PCDHA8: variants seen among roughly 807,000 people sequenced by gnomAD.
PCDHA8 encodes protocadherin alpha-8.
A neutral mutation model predicts 61.8 loss-of-function variants in PCDHA8; 53 were observed. The observed-to-expected ratio is 0.86, with a 90% CI of 0.69 to 1.08. The LOEUF is 1.08. Among genes scored for constraint, PCDHA8 ranks in the 50% least tolerant of loss-of-function variants. The pLI, the probability that PCDHA8 is intolerant of heterozygous loss-of-function variation, is 0.00. For missense variants in PCDHA8, 1,293 were observed against 1,245.0 expected, an observed-to-expected ratio of 1.04 and a Z score of -0.58; for synonymous variants, 618 against 556.6, an observed-to-expected ratio of 1.11 and a Z score of -1.55.
chr5:140,999,409 T>C (rs1554256782), intron 3 of PCDHA8, among the ~76,000 whole-genome samples: 1 of 152,186 alleles, frequency 6.6e-6, no homozygotes, highest in African/African-American at 2.4e-5. Flanking sequence ...TATGAAAGAA[T>C]GGGAGCTAAG....
At position 140,877,077 on chromosome 5, in the gene PCDHA8, G is replaced by A. The variant is rs373726752; in HGVS notation, c.2394+33362G>A. The A allele has an allele frequency of 1.1e-4, 183 of 1,613,104 alleles. 1 individual carries two copies. The highest frequency in any genetic ancestry group is 1.5e-4 in the Non-Finnish European group (175 of 1,179,844). On this transcript the variant is annotated intron_variant, in intron 1 of 3. Coordinates refer to ENST00000531613, the MANE Select transcript of PCDHA8 (RefSeq NM_018911.3). ...AGCTGGAGCTGCTGCAGTTCCAGGT[G>A]AGCGCGCGCGACGCCGGCGTGCCGC...
chr5:140,862,161 C>G (rs1463036699), intron 1 of PCDHA8: 1 of 163,458 alleles, frequency 6.1e-6, no homozygotes, highest in African/African-American at 2.4e-5. Context: ...ATGAAAGATT[C>G]AAATACAGGC....
intron 1 of PCDHA8, chr5:140,860,787 G>A (rs1038488180): frequency 5.9e-5 from 9 of 152,154 alleles, no homozygotes; most frequent in African/African-American, 2.2e-4. Flanking sequence ...GCCCAGGCTG[G>A]AGTGCAGTGG....
At position 140,858,644 on chromosome 5, in the gene PCDHA8, C is replaced by T. The variant is rs1581517400; in HGVS notation, c.2394+14929C>T. ...CCAGTGTGTCAGCCTTTGATTGGTACTTAAATTTTTTTAAATAACAATTTA... is the reference window on the plus strand; with the variant it reads ...CCAGTGTGTCAGCCTTTGATTGGTATTTAAATTTTTTTAAATAACAATTTA... On this transcript the variant is annotated intron_variant, in intron 1 of 3. Coordinates refer to ENST00000531613, the MANE Select transcript of PCDHA8 (RefSeq NM_018911.3). 16 of 921,026 alleles carry T rather than the reference C, an allele frequency of 1.7e-5. 1 individual carries two copies. Among genetic ancestry groups the T allele is most frequent in the African/African-American group, 1.2e-4 (7 of 59,878 alleles). 57.1% of individuals were successfully genotyped at this position (921,026 alleles called of 1,614,324 possible).
intron 3 of PCDHA8, among the ~76,000 whole-genome samples, chr5:140,990,571 G>A (rs996259729): frequency 6.6e-6 from 1 of 152,102 alleles, no homozygotes; most frequent in Non-Finnish European, 1.5e-5. Flanking sequence ...ACACCTGTTC[G>A]ATCTCTTTTC....
In PCDHA8 at chr5:140,884,578, G is replaced by A. The variant is rs1554181757; in HGVS notation, c.2394+40863G>A. 6 of 1,614,104 alleles carry A rather than the reference G, an allele frequency of 3.7e-6. No homozygotes were observed. In the South Asian group the frequency reaches 4.4e-5, roughly 12 times the overall value. On this transcript the variant is annotated intron_variant, in intron 1 of 3. Transcript: ENST00000531613. ...AGGGCCCGCATAAGACGGACCTCAT[G>A]GCCTTCAGTCCCAGCCTTCCTCCTT...
chr5:140,966,957 C>T lies in PCDHA8; in HGVS notation c.2395-11992C>T, dbSNP rs868948639. 4 of 1,602,884 alleles carry T rather than the reference C, an allele frequency of 2.5e-6. No individual in the cohort carries two copies. The African/African-American group carries it at 4.0e-5, about 16-fold the overall frequency. ...GCGCTCGTGGGCAACGTGGCTCGCG[C>T]GCTGGGGCTTGAGCTGCGGCGCTTG... On this transcript the variant is annotated intron_variant, in intron 1 of 3. Transcript: ENST00000531613.
intron 1 of PCDHA8, chr5:140,863,320 CT>C: frequency 6.9e-7 from 1 of 1,445,292 alleles, no homozygotes; most frequent in South Asian, 1.1e-5. Flanking sequence ...GGTGTCCAGC[CT>C]GTTAGTGCTC....
intron 1 of PCDHA8, among the ~76,000 whole-genome samples, chr5:140,872,172 T>G (rs912989922): frequency 6.6e-6 from 1 of 152,230 alleles, no homozygotes; most frequent in Non-Finnish European, 1.5e-5. Flanking sequence ...TTTCTTTTTT[T>G]TTTTTACAGT....
intron 1 of PCDHA8, among the ~76,000 whole-genome samples, chr5:140,902,664 A>G (rs2069638514): frequency 6.6e-6 from 1 of 152,128 alleles, no homozygotes. Context: ...CTGTCACCCA[A>G]GCAGTGTACA....
chr5:140,945,709 G>C (rs1033770128), intron 1 of PCDHA8, among the ~76,000 whole-genome samples: 4 of 151,930 alleles, frequency 2.6e-5, no homozygotes, highest in Admixed American at 1.3e-4. Flanking sequence ...TGCAACAAAA[G>C]TATCAAGAAT....
chr5:140,986,366 G>A (rs149115330), intron 3 of PCDHA8, among the ~76,000 whole-genome samples: 226 of 152,252 alleles, frequency 1.5e-3, no homozygotes, highest in African/African-American at 5.1e-3. Context: ...GGAGGAATGC[G>A]TTTTGGGGGG....
intron 1 of PCDHA8, among the ~76,000 whole-genome samples, chr5:140,917,087 C>G (rs1275905052): frequency 6.6e-6 from 1 of 152,100 alleles, no homozygotes; most frequent in Non-Finnish European, 1.5e-5. Flanking sequence ...GTAAAGTTCC[C>G]CAGTTGCTGT....
At chr5:140,924,675 A>G (rs2081950007) in intron 1 of PCDHA8, among the ~76,000 whole-genome samples, 1 of 152,152 alleles carries the variant, frequency 6.6e-6, no homozygotes, top group Non-Finnish European at 1.5e-5. Flanking sequence ...CAGGCCAATC[A>G]CTTGAGGTCA....
chr5:140,907,009 C>A (rs2193983), intron 1 of PCDHA8, among the ~76,000 whole-genome samples: 26,809 of 152,052 alleles, frequency 0.18, 2,652 homozygotes, highest in African/African-American at 0.27. Flanking sequence ...GGAACTAAGA[C>A]CTCTAGGCCA....
At chr5:140,849,211 C>G (rs2040817305) in intron 1 of PCDHA8, 1 of 1,031,974 alleles carries the variant, frequency 9.7e-7, no homozygotes, top group East Asian at 2.6e-5. Flanking sequence ...AATGACAATG[C>G]CCCAGTGTTC....
chr5:140,875,192 C>A, intron 1 of PCDHA8: 2 of 509,100 alleles, frequency 3.9e-6, no homozygotes, highest in Non-Finnish European at 6.3e-6. Context: ...AAGAGTGACC[C>A]AGGAAGTGGC....
intron 1 of PCDHA8, among the ~76,000 whole-genome samples, chr5:140,977,932 C>T (rs2096781582): frequency 6.6e-6 from 1 of 151,944 alleles, no homozygotes; most frequent in Non-Finnish European, 1.5e-5. Flanking sequence ...TCAACTATAC[C>T]TCAATATTCA....
At chr5:141,005,490 TC>T (rs1451220963) in intron 3 of PCDHA8, among the ~76,000 whole-genome samples, 1 of 151,242 alleles carries the variant, frequency 6.6e-6, no homozygotes. Flanking sequence ...GATCATGAGG[TC>T]AGGAGATCGA....
Sources: allele counts gnomAD v4.1 joint callset (sites outside exome capture counted in the v4.1 genomes callset), GRCh38; gene constraint gnomAD v4.1.1; transcripts MANE v1.5; gene names NCBI Gene and HGNC (gene_info 2026-07-23, HGNC 2026-07-21).